ADAMTSL3: variants seen among roughly 807,000 people sequenced by gnomAD.
The protein encoded by ADAMTSL3 is ADAMTS-like protein 3.
Under a neutral mutation model 201.7 loss-of-function variants are expected in ADAMTSL3, and 128 were observed. That is an observed-to-expected ratio of 0.63 (90% CI 0.55 to 0.73). ADAMTSL3 has a LOEUF of 0.73. Among genes scored for constraint, ADAMTSL3 ranks in the 30% least tolerant of loss-of-function variants. The pLI is 0.00. For missense variants in ADAMTSL3, 1,990 were observed against 2,119.6 expected (o/e 0.94, Z 1.20); for synonymous variants, 738 against 748.4 (o/e 0.99, Z 0.23).
chr15:83,919,825 G>A (rs1488072812), intron 16 of ADAMTSL3, among the ~76,000 whole-genome samples: 2 of 152,162 alleles, frequency 1.3e-5, no homozygotes, highest in South Asian at 4.1e-4. Flanking sequence ...CAGTCGTGGA[G>A]ATTGGTCTTA....
chr15:83,855,249 A>C (rs1200034136), intron 7 of ADAMTSL3, among the ~76,000 whole-genome samples: 2 of 152,178 alleles, frequency 1.3e-5, no homozygotes, highest in Non-Finnish European at 2.9e-5. Flanking sequence ...GCGGTCTTCT[A>C]GATTTTCAGG....
intron 2 of ADAMTSL3, among the ~76,000 whole-genome samples, chr15:83,701,764 C>A (rs749262448): frequency 6.6e-6 from 1 of 152,192 alleles, no homozygotes; most frequent in African/African-American, 2.4e-5. Flanking sequence ...TCCAATTAAA[C>A]CTCTTTTTCT....
At chr15:83,798,437 G>A (rs1490911253) in intron 4 of ADAMTSL3, among the ~76,000 whole-genome samples, 1 of 152,230 alleles carries the variant, frequency 6.6e-6, no homozygotes, top group Non-Finnish European at 1.5e-5. Flanking sequence ...ACAAGTGCAT[G>A]TCATTGCATG....
At chr15:83,853,832 C>T (rs1055849828) in intron 7 of ADAMTSL3, among the ~76,000 whole-genome samples, 1 of 152,086 alleles carries the variant, frequency 6.6e-6, no homozygotes, top group Non-Finnish European at 1.5e-5. Context: ...CAATTCACTA[C>T]TGTACATTTT....
intron 7 of ADAMTSL3, among the ~76,000 whole-genome samples, chr15:83,840,376 C>A (rs1184207548): frequency 1.3e-5 from 2 of 152,192 alleles, no homozygotes; most frequent in East Asian, 3.8e-4. Context: ...TTTTGATGAA[C>A]TTCAGGCTGA....
chr15:84,023,537 T>A (rs117529862), intron 26 of ADAMTSL3, among the ~76,000 whole-genome samples: 3,797 of 152,262 alleles, frequency 0.025, 70 homozygotes, highest in Non-Finnish European at 0.038. Context: ...CCTTTGTAAT[T>A]CTCAAAAGGA....
At chr15:83,674,678 C>CAT (rs1238901721) in intron 2 of ADAMTSL3, among the ~76,000 whole-genome samples, 1 of 57,472 alleles carries the variant, frequency 1.7e-5, no homozygotes, top group Non-Finnish European at 3.7e-5. Flanking sequence ...TATATACACA[C>CAT]ATATATACAT....
chr15:83,709,743 G>T (rs1324224083), intron 3 of ADAMTSL3, among the ~76,000 whole-genome samples: 1 of 152,144 alleles, frequency 6.6e-6, no homozygotes, highest in Non-Finnish European at 1.5e-5. Context: ...GTTAGGAAAA[G>T]TTGTTTTTTG....
intron 3 of ADAMTSL3, among the ~76,000 whole-genome samples, chr15:83,706,024 G>T (rs1393092062): frequency 6.6e-6 from 1 of 152,154 alleles, no homozygotes; most frequent in African/African-American, 2.4e-5. Flanking sequence ...GCTAATAGGG[G>T]CTAAAACATC....
At chr15:83,834,426 G>C (rs1001858390) in intron 6 of ADAMTSL3, among the ~76,000 whole-genome samples, 1 of 152,156 alleles carries the variant, frequency 6.6e-6, no homozygotes, top group Non-Finnish European at 1.5e-5. Context: ...AGGCAGAAAT[G>C]TCAGATTTTT....
chr15:83,821,852 G>A (rs1407476518), intron 6 of ADAMTSL3, among the ~76,000 whole-genome samples: 2 of 150,986 alleles, frequency 1.3e-5, no homozygotes, highest in African/African-American at 4.9e-5. Flanking sequence ...CCCGGACGGG[G>A]CGGCTGGCCG....
At chr15:83,880,202 C>G (rs1240548764) in intron 9 of ADAMTSL3, among the ~76,000 whole-genome samples, 1 of 152,004 alleles carries the variant, frequency 6.6e-6, no homozygotes, top group Non-Finnish European at 1.5e-5. Context: ...CATTTATTAT[C>G]TCTTCAGATT....
chr15:83,815,749 G>T (rs1382622758), intron 5 of ADAMTSL3, among the ~76,000 whole-genome samples: 1 of 152,244 alleles, frequency 6.6e-6, no homozygotes, highest in Non-Finnish European at 1.5e-5. Context: ...TAGAGTGCTT[G>T]TTACTTTGAG....
At chr15:83,741,316 T>A (rs2062451468) in intron 3 of ADAMTSL3, among the ~76,000 whole-genome samples, 1 of 151,970 alleles carries the variant, frequency 6.6e-6, no homozygotes, top group African/African-American at 2.4e-5. Flanking sequence ...GTGTGGTTTT[T>A]TCCTAGGAAT....
At chr15:83,815,401 A>T (rs1469998673) in intron 5 of ADAMTSL3, among the ~76,000 whole-genome samples, 1 of 152,198 alleles carries the variant, frequency 6.6e-6, no homozygotes, top group Non-Finnish European at 1.5e-5. Flanking sequence ...ACAGTGGTGG[A>T]TTATATTTTT....
At chr15:83,760,618 A>G (rs749046361) in intron 3 of ADAMTSL3, among the ~76,000 whole-genome samples, 7 of 151,702 alleles carry the variant, frequency 4.6e-5, no homozygotes, top group South Asian at 4.2e-4. Context: ...GGATTTTTCT[A>G]TTTCTTCTTA....
chr15:83,966,835 G>A (rs946931752), intron 19 of ADAMTSL3, among the ~76,000 whole-genome samples: 4 of 152,088 alleles, frequency 2.6e-5, no homozygotes, highest in Non-Finnish European at 5.9e-5. Context: ...TATCCACCAC[G>A]ATCAAGTCAG....
chr15:83,772,794 C>T (rs2063005998), intron 3 of ADAMTSL3, among the ~76,000 whole-genome samples: 1 of 151,986 alleles, frequency 6.6e-6, no homozygotes, highest in South Asian at 2.1e-4. Flanking sequence ...CAACCTCCGC[C>T]TCCCTGGTTC....
chr15:83,935,847 G>A (rs1379971051), intron 17 of ADAMTSL3, among the ~76,000 whole-genome samples: 1 of 152,012 alleles, frequency 6.6e-6, no homozygotes, highest in Non-Finnish European at 1.5e-5. Context: ...TTATAGTAAG[G>A]TTATATGACA....
Sources: gnomAD v4.1 joint callset for allele counts (sites outside exome capture counted in the v4.1 genomes callset) on GRCh38, gnomAD v4.1.1 for gene constraint, MANE v1.5 for transcripts, NCBI Gene and HGNC (gene_info 2026-07-23, HGNC 2026-07-21) for gene names.